The following CCSER1 variants were observed in gnomAD, a reference collection of about 807,000 sequenced individuals.
CCSER1 encodes the protein coiled-coil serine rich protein 1.
CCSER1 carries 41 observed loss-of-function variants against 82.0 expected under a neutral mutation model. The ratio of observed to expected loss-of-function variants is 0.50; its 90% CI spans 0.39 to 0.65. The LOEUF (loss-of-function observed/expected upper bound fraction) is 0.65. Ranked by LOEUF, CCSER1 falls within the 30% of genes least tolerant of loss-of-function variation. CCSER1 has a pLI of 0.00. For synonymous variants in CCSER1, 414 were observed against 383.9 expected, an observed-to-expected ratio of 1.08 and a Z score of -0.92; for missense variants, 1,119 against 1,064.2, an observed-to-expected ratio of 1.05 and a Z score of -0.72.
At chr4:90,397,873 T>C (rs1357462770) in intron 3 of CCSER1, among the ~76,000 whole-genome samples, 1 of 152,206 alleles carries the variant, frequency 6.6e-6, no homozygotes, top group African/African-American at 2.4e-5. Flanking sequence ...TAATAAAAAA[T>C]GGTAGTTATG....
intron 3 of CCSER1, among the ~76,000 whole-genome samples, chr4:90,337,785 T>C (rs1740686982): frequency 6.6e-6 from 1 of 152,178 alleles, no homozygotes; most frequent in Admixed American, 6.5e-5. Flanking sequence ...TAACCCATTA[T>C]ATGTTAAATA....
intron 8 of CCSER1, among the ~76,000 whole-genome samples, chr4:90,886,706 G>T (rs115491760): frequency 1.3e-5 from 2 of 152,092 alleles, no homozygotes; most frequent in Non-Finnish European, 2.9e-5. Flanking sequence ...AAGTTGAAAC[G>T]CAAAGAGGTT....
At chr4:90,225,838 C>G (rs1464147702) in intron 1 of CCSER1, among the ~76,000 whole-genome samples, 1 of 152,162 alleles carries the variant, frequency 6.6e-6, no homozygotes. Flanking sequence ...TTAAAATTGG[C>G]CACAGATGCT....
intron 5 of CCSER1, among the ~76,000 whole-genome samples, chr4:90,600,863 T>G (rs2148750707): frequency 6.6e-6 from 1 of 152,146 alleles, no homozygotes; most frequent in African/African-American, 2.4e-5. Flanking sequence ...TATATCTGTT[T>G]AGGTCTTTAT....
rs933736390 is a variant in CCSER1, at chr4:90,727,221, C to G, written c.2010+3230C>G. On this transcript the variant is annotated intron_variant, in intron 7 of 10. Coordinates refer to ENST00000509176, the MANE Select transcript of CCSER1 (RefSeq NM_001145065.2). ...TTTAATAGAATATTCAGCATTATAT[C>G]AACTGTACACACATATGGTCTGACA... 9 of 455,738 alleles carry G rather than the reference C, an allele frequency of 2.0e-5. No homozygotes were observed. In the East Asian group the frequency reaches 6.3e-4, roughly 32 times the overall value. 28.2% of individuals were successfully genotyped at this position (455,738 alleles called of 1,614,324 possible).
chr4:91,494,312 A>T (rs1366581191), intron 10 of CCSER1, among the ~76,000 whole-genome samples: 1 of 151,804 alleles, frequency 6.6e-6, no homozygotes, highest in Non-Finnish European at 1.5e-5. Context: ...GCAAAATCAC[A>T]TTTTATCTAT....
intron 10 of CCSER1, among the ~76,000 whole-genome samples, chr4:91,146,103 G>A (rs979663598): frequency 3.6e-4 from 55 of 152,132 alleles, no homozygotes; most frequent in African/African-American, 1.3e-3. Context: ...CATATTTCTT[G>A]GAGGCTTTGT....
intron 10 of CCSER1, among the ~76,000 whole-genome samples, chr4:91,163,243 G>C (rs1353024207): frequency 6.6e-6 from 1 of 152,206 alleles, no homozygotes; most frequent in Admixed American, 6.5e-5. Context: ...GAGTGGTTTT[G>C]AGTGAGTTTC....
chr4:90,994,376 T>C (rs1026266898), intron 9 of CCSER1, among the ~76,000 whole-genome samples: 2 of 152,094 alleles, frequency 1.3e-5, no homozygotes, highest in African/African-American at 4.8e-5. Flanking sequence ...ATATTGGATG[T>C]CTTATATAAT....
chr4:90,222,810 T>G (rs1215014154), intron 1 of CCSER1, among the ~76,000 whole-genome samples: 4 of 152,200 alleles, frequency 2.6e-5, no homozygotes, highest in Non-Finnish European at 4.4e-5. Context: ...AATTATAGAT[T>G]CATATGCAGT....
chr4:90,969,824 T>A (rs1734919051), intron 9 of CCSER1, among the ~76,000 whole-genome samples: 1 of 151,758 alleles, frequency 6.6e-6, no homozygotes, highest in Admixed American at 6.6e-5. Flanking sequence ...GTAATTCTAA[T>A]CTAAAGGTAA....
At position 91,555,226 on chromosome 4, in the gene CCSER1, G is replaced by A. The variant is rs561982314; in HGVS notation, c.2218-43346G>A. The stretch of plus-strand genomic sequence containing the variant: ...TCACTATTTTTCTCTTTGTAAATTG[G>A]CCCAGACTCACACTACCAAATTCAG... On this transcript the variant is annotated intron_variant, in intron 10 of 10. Coordinates refer to ENST00000509176, the MANE Select transcript of CCSER1 (RefSeq NM_001145065.2). Among the ~76,000 whole-genome samples, 16 of 150,958 alleles carry A rather than the reference G, an allele frequency of 1.1e-4. No individual in the cohort carries two copies. The East Asian group carries it at 3.1e-3, about 29-fold the overall frequency.
chr4:90,304,401 A>G (rs1273884924), intron 1 of CCSER1, among the ~76,000 whole-genome samples: 30 of 152,358 alleles, frequency 2.0e-4, no homozygotes, highest in Non-Finnish European at 7.3e-5. Flanking sequence ...ACCAACCCAA[A>G]TGTCCATCAA....
intron 7 of CCSER1, among the ~76,000 whole-genome samples, chr4:90,788,904 A>G (rs1754874989): frequency 6.6e-6 from 1 of 152,136 alleles, no homozygotes; most frequent in South Asian, 2.1e-4. Context: ...TTAACACCTG[A>G]AAGATTTTCC....
At chr4:91,559,261 TAAC>T (rs1762546863) in intron 10 of CCSER1, among the ~76,000 whole-genome samples, 2 of 151,592 alleles carry the variant, frequency 1.3e-5, no homozygotes, top group African/African-American at 2.4e-5. Flanking sequence ...TAAAATAATA[TAAC>T]AATAATTTAA....
chr4:91,554,440 C>A (rs1045894303), intron 10 of CCSER1, among the ~76,000 whole-genome samples: 2 of 150,854 alleles, frequency 1.3e-5, no homozygotes, highest in African/African-American at 2.4e-5. Flanking sequence ...AATGAAATGA[C>A]CACATACACA....
At chr4:90,549,570 G>T (rs1160458092) in intron 5 of CCSER1, among the ~76,000 whole-genome samples, 1 of 152,078 alleles carries the variant, frequency 6.6e-6, no homozygotes, top group African/African-American at 2.4e-5. Context: ...GTATGCACAG[G>T]GAACTGTGTA....
chr4:90,986,792 A>T (rs1031252921), intron 9 of CCSER1, among the ~76,000 whole-genome samples: 17 of 151,788 alleles, frequency 1.1e-4, no homozygotes, highest in African/African-American at 4.1e-4. Flanking sequence ...GCATGATTAT[A>T]TTTACAATTT....
At chr4:90,559,879 G>A (rs1281834172) in intron 5 of CCSER1, among the ~76,000 whole-genome samples, 1 of 148,796 alleles carries the variant, frequency 6.7e-6, no homozygotes, top group African/African-American at 2.5e-5. Context: ...ACCTACTTAG[G>A]AGGCTGAGGT....
Sources: gnomAD v4.1 joint callset for allele counts (sites outside exome capture counted in the v4.1 genomes callset) on GRCh38, gnomAD v4.1.1 for gene constraint, MANE v1.5 for transcripts, NCBI Gene and HGNC (gene_info 2026-07-23, HGNC 2026-07-21) for gene names.